The following BLK variants were observed in gnomAD, a reference collection of about 807,000 sequenced individuals.
BLK encodes tyrosine-protein kinase Blk.
Under a neutral mutation model 61.8 loss-of-function variants are expected in BLK, and 64 were observed. That is an observed-to-expected ratio of 1.03 (90% confidence interval 0.85 to 1.27). BLK has a LOEUF of 1.27. Among genes scored for constraint, BLK ranks in the 50% most tolerant of loss-of-function variants. The pLI is 0.00. For synonymous variants in BLK, 351 were observed against 272.0 expected (o/e 1.29, Z -2.86); for missense variants, 853 against 660.5 (o/e 1.29, Z -3.19).
At chr8:11,561,225 T>G in intron 10 of BLK, 77 bp from the exon 11 acceptor site, 1 of 1,555,960 alleles carries the variant, frequency 6.4e-7, no homozygotes. Flanking sequence ...ACAGGGGCTG[T>G]GCGGGGGACA....
intron 2 of BLK, among the ~76,000 whole-genome samples, chr8:11,543,649 C>T (rs1053284392): frequency 6.6e-6 from 1 of 152,166 alleles, no homozygotes; most frequent in Non-Finnish European, 1.5e-5. Flanking sequence ...GCAGCTACTA[C>T]CTCTCTTCTC....
chr8:11,558,930 G>A (rs1245557573), intron 10 of BLK: 2 of 456,100 alleles, frequency 4.4e-6, no homozygotes, highest in South Asian at 3.1e-5. Context: ...GCCGCTGCAG[G>A]AACTGATGCC....
At position 11,564,303 on chromosome 8, in the gene BLK, C is replaced by G. The variant is rs751650996; in HGVS notation, c.*195C>G. 4.1e-6 allele frequency: 3 copies of G among 736,870 alleles called. No individual in the cohort carries two copies. In the South Asian group the frequency reaches 4.5e-5, roughly 11 times the overall value. The allele number at this position is 736,870 out of a possible 1,614,324, so 45.6% of individuals were successfully genotyped here. A position where few individuals can be genotyped will look rare whatever the true frequency, so the allele number is the denominator to read the frequency against. On this transcript the variant is annotated 3_prime_UTR_variant, in exon 13 of 13. Transcript: ENST00000259089. ...CGACTGCACCCCCGGGCGAGTTACG[C>G]GGCCTCTCTGTGCCGCTTCATTTGT...
chr8:11,554,852 C>G lies in BLK; in HGVS notation c.582C>G (p.Thr194=). 6.2e-7 allele frequency: 1 copy of G among 1,613,946 alleles called. No individual in the cohort carries two copies. The part of the protein sequence containing the change: ...EGGYYISPRI[T]FPSLQALVQH... ...GCTACTACATCTCCCCCCGGATCAC[C>G]TTCCCCTCGCTCCAGGCCCTGGTGC... Residue 194 remains threonine, a synonymous_variant, in exon 7 of 13, where the codon ACC becomes ACG. Transcript: ENST00000259089.
intron 1 of BLK, among the ~76,000 whole-genome samples, chr8:11,501,692 G>A (rs1025219787): frequency 7.2e-5 from 11 of 152,190 alleles, no homozygotes; most frequent in African/African-American, 1.9e-4. Flanking sequence ...GAAAGCTCTC[G>A]TGACTTTGCA....
intron 2 of BLK, among the ~76,000 whole-genome samples, chr8:11,544,825 G>A (rs745572346): frequency 6.6e-5 from 10 of 152,086 alleles, no homozygotes; most frequent in Non-Finnish European, 1.5e-4. Flanking sequence ...ATGGAATTAA[G>A]AAAAGAATAT....
chr8:11,511,983 A>G (rs1799027575), intron 1 of BLK, among the ~76,000 whole-genome samples: 2 of 152,192 alleles, frequency 1.3e-5, no homozygotes, highest in African/African-American at 4.8e-5. Context: ...TGATTGTTTG[A>G]TTATTTAATT....
chr8:11,537,958 A>G (rs1448708471), intron 1 of BLK, among the ~76,000 whole-genome samples: 1 of 152,084 alleles, frequency 6.6e-6, no homozygotes, highest in Non-Finnish European at 1.5e-5. Context: ...TTTCAAATAA[A>G]CAAACAACTC....
intron 1 of BLK, among the ~76,000 whole-genome samples, chr8:11,500,076 G>A (rs927658046): frequency 6.6e-6 from 1 of 152,186 alleles, no homozygotes; most frequent in African/African-American, 2.4e-5. Flanking sequence ...GTACAAAACA[G>A]AAAAATTCAC....
intron 2 of BLK, 26 bp downstream of exon 2, chr8:11,543,373 G>C (rs760435304): frequency 1.9e-6 from 3 of 1,611,204 alleles, no homozygotes; most frequent in Non-Finnish European, 2.5e-6. Context: ...CCCCCACCAA[G>C]AGCAGATTAC....
At chr8:11,541,072 C>T (rs541217498) in intron 1 of BLK, among the ~76,000 whole-genome samples, 3 of 152,196 alleles carry the variant, frequency 2.0e-5, no homozygotes, top group Admixed American at 6.5e-5. Flanking sequence ...TTGAGACCAG[C>T]CTGCATGACA....
chr8:11,550,500 G>T (rs1800852077), intron 6 of BLK, among the ~76,000 whole-genome samples: 1 of 152,250 alleles, frequency 6.6e-6, no homozygotes, highest in Admixed American at 6.5e-5. Flanking sequence ...GACAGGGGTG[G>T]TCCCACGCCA....
chr8:11,535,268 G>GAAAGA (rs1554448042), intron 1 of BLK, among the ~76,000 whole-genome samples: 1 of 98,286 alleles, frequency 1.0e-5, no homozygotes, highest in East Asian at 3.2e-4. Flanking sequence ...AAAGAAGAAA[G>GAAAGA]AAAGAAAGAA....
intron 1 of BLK, among the ~76,000 whole-genome samples, chr8:11,525,190 G>A (rs1315591284): frequency 6.6e-6 from 1 of 152,194 alleles, no homozygotes; most frequent in Non-Finnish European, 1.5e-5. Context: ...GAGGCACACA[G>A]ACGTATTTGC....
At chr8:11,503,297 G>A (rs1049965796) in intron 1 of BLK, among the ~76,000 whole-genome samples, 1 of 152,200 alleles carries the variant, frequency 6.6e-6, no homozygotes, top group Non-Finnish European at 1.5e-5. Flanking sequence ...TCTCCTGGTA[G>A]CCTGTCAGCT....
At chr8:11,507,552 G>C (rs1044355940) in intron 1 of BLK, among the ~76,000 whole-genome samples, 1 of 152,220 alleles carries the variant, frequency 6.6e-6, no homozygotes, top group Non-Finnish European at 1.5e-5. Flanking sequence ...AGAGACAGGA[G>C]CTTAGTGGAC....
intron 4 of BLK, among the ~76,000 whole-genome samples, chr8:11,548,594 G>A (rs1480116842): frequency 6.6e-6 from 1 of 152,192 alleles, no homozygotes; most frequent in East Asian, 1.9e-4. Context: ...TCAGTGGCCA[G>A]GCTTGTCCTG....
At chr8:11,503,627 C>G (rs1798649121) in intron 1 of BLK, among the ~76,000 whole-genome samples, 1 of 152,168 alleles carries the variant, frequency 6.6e-6, no homozygotes, top group Non-Finnish European at 1.5e-5. Context: ...TGTGTGCTGT[C>G]TGAAGTAAGC....
intron 10 of BLK, among the ~76,000 whole-genome samples, chr8:11,559,201 G>A (rs549574753): frequency 2.6e-5 from 4 of 152,202 alleles, no homozygotes; most frequent in African/African-American, 7.2e-5. Flanking sequence ...CCACAGAATC[G>A]GGGGTGAGGA....
Sources: gnomAD v4.1 joint callset for allele counts (sites outside exome capture counted in the v4.1 genomes callset) on GRCh38, gnomAD v4.1.1 for gene constraint, MANE v1.5 for transcripts, NCBI Gene and HGNC (gene_info 2026-07-23, HGNC 2026-07-21) for gene names.